The following ITPR1 variants were observed in gnomAD, a reference collection of about 807,000 sequenced individuals.
The protein encoded by ITPR1 is inositol 1,4,5-trisphosphate-gated calcium channel ITPR1.
In ITPR1, 96 loss-of-function variants were observed where a neutral mutation model predicts 318.4. That is an observed-to-expected ratio of 0.30 (90% CI 0.26 to 0.36). The LOEUF (loss-of-function observed/expected upper bound fraction) is 0.36. ITPR1 is among the 10% of genes least tolerant of loss of function. The probability of loss-of-function intolerance (pLI) is 1.00; values close to 1 mark genes in which losing one functional copy is unlikely to be tolerated. For synonymous variants in ITPR1, 1,312 were observed against 1,289.9 expected, an observed-to-expected ratio of 1.02 and a Z score of -0.37; for missense variants, 2,440 against 3,460.2, an observed-to-expected ratio of 0.71 and a Z score of 7.40.
chr3:4,619,777 C>CTTG (rs2092550650), intron 4 of ITPR1, among the ~76,000 whole-genome samples: 1 of 117,662 alleles, frequency 8.5e-6, no homozygotes, highest in Admixed American at 8.8e-5. Context: ...TCTGCCCTCC[C>CTTG]CTGCTCTCCT....
intron 61 of ITPR1, among the ~76,000 whole-genome samples, chr3:4,842,176 A>G (rs996585017): frequency 6.6e-6 from 1 of 152,272 alleles, no homozygotes; most frequent in Non-Finnish European, 1.5e-5. Flanking sequence ...TGTTTTCATG[A>G]ACAGTCTTTC....
chr3:4,681,022 G>T (rs893284677), intron 25 of ITPR1, among the ~76,000 whole-genome samples: 8 of 152,106 alleles, frequency 5.3e-5, no homozygotes, highest in Non-Finnish European at 1.0e-4. Context: ...TTGACCACTA[G>T]CAGCTTTTAC....
chr3:4,687,237 A>G (rs1168391620), intron 30 of ITPR1, among the ~76,000 whole-genome samples: 5 of 152,222 alleles, frequency 3.3e-5, no homozygotes, highest in Admixed American at 1.3e-4. Flanking sequence ...AGCCCAAAGT[A>G]TGTGCTGCCT....
Position 4,846,286 on chromosome 3 carries a change from AATGAGTTCTG to A in ITPR1, c.*64_*73del. On this transcript the variant is annotated 3_prime_UTR_variant, in exon 62 of 62. Transcript: ENST00000649015. ...AATTATTATTAGTGTGGGTATGGCT[AATGAGTTCTG>A]ATTCACCCACGAAGGTTACATTTAT... 8.7e-7 allele frequency: 1 copy of A among 1,146,674 alleles called. No homozygotes were observed. The highest frequency in any genetic ancestry group is 1.3e-6 in the Non-Finnish European group (1 of 784,374). 71.0% of individuals were successfully genotyped at this position (1,146,674 alleles called of 1,614,324 possible).
chr3:4,662,879 C>G (rs915909122), intron 15 of ITPR1, among the ~76,000 whole-genome samples, 186 bp from the exon 16 acceptor site: 1 of 152,100 alleles, frequency 6.6e-6, no homozygotes, highest in Non-Finnish European at 1.5e-5. Flanking sequence ...CTTTTGTGGA[C>G]AATGATATGT....
intron 4 of ITPR1, among the ~76,000 whole-genome samples, chr3:4,615,717 T>C (rs1349362900): frequency 1.3e-5 from 2 of 152,158 alleles, no homozygotes; most frequent in African/African-American, 4.8e-5. Flanking sequence ...TTTAAGCTGA[T>C]CCACATACAG....
chr3:4,822,492 C>T (rs2049792424), intron 60 of ITPR1, among the ~76,000 whole-genome samples: 2 of 152,132 alleles, frequency 1.3e-5, no homozygotes, highest in Non-Finnish European at 2.9e-5. Flanking sequence ...TTGACGTTAG[C>T]GTTCTTTTCT....
intron 4 of ITPR1, among the ~76,000 whole-genome samples, chr3:4,536,460 G>A (rs557747061): frequency 9.9e-5 from 15 of 152,284 alleles, no homozygotes; most frequent in South Asian, 6.2e-4. Context: ...TAGAAACACA[G>A]CCTCAAAGGT....
chr3:4,808,870 C>G (rs998587199), intron 55 of ITPR1, among the ~76,000 whole-genome samples: 3 of 152,120 alleles, frequency 2.0e-5, no homozygotes, highest in Non-Finnish European at 2.9e-5. Context: ...CCCCCTCCCC[C>G]ACAAAGACTG....
At position 4,665,194 on chromosome 3, in the gene ITPR1, G is replaced by C. The variant is rs1227257678; in HGVS notation, c.1611G>C (p.Arg537=). ...FTDCGDGPML[R]LEELGDQRHA... is the part of the protein sequence containing the mutation. ...ACTGCGGTGATGGCCCAATGCTTCG[G>C]CTGGAAGAGCTCGGGGACCAGCGGC... Residue 537 remains arginine (R), a synonymous_variant, in exon 17 of 62, where the codon CGG becomes CGC. Transcript: ENST00000649015. 9 of 1,614,020 alleles carry C rather than the reference G, an allele frequency of 5.6e-6. No individual in the cohort carries two copies. Among genetic ancestry groups the C allele is most frequent in the Non-Finnish European group, 7.6e-6 (9 of 1,179,866 alleles).
chr3:4,622,842 A>G (rs1402865996), intron 4 of ITPR1, among the ~76,000 whole-genome samples: 1 of 152,230 alleles, frequency 6.6e-6, no homozygotes, highest in South Asian at 2.1e-4. Flanking sequence ...TTAAATCATT[A>G]ATTCAACACC....
Position 4,798,197 on chromosome 3 carries a change from A to G in ITPR1, c.6932-2228A>G, listed in dbSNP as rs1032920138. ...ACAGACTGGGAGAAAATAGTTGCAA[A>G]ATATATATCTGATAAAAAGCTTATG... On this transcript the variant is annotated intron_variant, in intron 53 of 61. Coordinates refer to ENST00000649015, the MANE Select transcript of ITPR1 (RefSeq NM_001378452.1). Among the ~76,000 whole-genome samples, 3 of 152,212 alleles carry G rather than the reference A, an allele frequency of 2.0e-5. No homozygotes were observed. The South Asian group carries it at 6.2e-4, about 32-fold the overall frequency.
At chr3:4,697,054 A>G in intron 33 of ITPR1, 93 bp from the exon 34 acceptor site, 6 of 1,166,104 alleles carry the variant, frequency 5.1e-6, no homozygotes, top group Non-Finnish European at 7.4e-6. Flanking sequence ...TGGGATGACC[A>G]TTTTCATCGG....
intron 30 of ITPR1, among the ~76,000 whole-genome samples, chr3:4,685,793 G>C (rs1404294098): frequency 6.6e-6 from 1 of 152,184 alleles, no homozygotes; most frequent in Non-Finnish European, 1.5e-5. Flanking sequence ...ACAGTGCTTT[G>C]CATGCATGTA....
rs1247099832 is a variant in ITPR1 at position 4,667,576 on chromosome 3, G to T, written c.1886+27G>T. 9.4e-6 allele frequency: 15 copies of T among 1,595,676 alleles called. No individual in the cohort carries two copies. In the East Asian group the frequency reaches 3.4e-4, roughly 36 times the overall value. On this transcript the variant is annotated intron_variant, in intron 18 of 61. Coordinates refer to ENST00000649015, the MANE Select transcript of ITPR1 (RefSeq NM_001378452.1). ...TGAGGCGGGAGTGGGGTCCATGCAG[G>T]ATGGTGTCTCTGCCTGTAAGATGCA...
At chr3:4,647,647 A>G (rs2093490498) in intron 10 of ITPR1, among the ~76,000 whole-genome samples, 1 of 152,238 alleles carries the variant, frequency 6.6e-6, no homozygotes, top group Non-Finnish European at 1.5e-5. Flanking sequence ...TAGTAGGTAC[A>G]TAGTGAAATT....
Position 4,777,293 on chromosome 3 carries a change from C to A in ITPR1, c.6210C>A (p.Gly2070=). 1 of 1,605,720 alleles carries A rather than the reference C, an allele frequency of 6.2e-7. No individual in the cohort carries two copies. Among genetic ancestry groups the A allele is most frequent in the Non-Finnish European group, 8.5e-7 (1 of 1,175,636 alleles). Residue 2070 remains glycine (G), a synonymous_variant, in exon 48 of 62, where the codon GGC becomes GGA. Transcript: ENST00000649015. ...QNCIATHESN[G]IDIITALILN... is the part of the protein sequence containing the mutation. Reference sequence around the variant, plus strand: ...GCATAGCCACCCATGAATCCAATGGCATTGACATCATCACAGCCCTGATCC... The same window carrying A: ...GCATAGCCACCCATGAATCCAATGGAATTGACATCATCACAGCCCTGATCC...
At chr3:4,588,218 A>G (rs1029587089) in intron 4 of ITPR1, among the ~76,000 whole-genome samples, 10 of 152,144 alleles carry the variant, frequency 6.6e-5, no homozygotes, top group African/African-American at 2.4e-4. Flanking sequence ...GTCTTCTCAT[A>G]TTCTTGCTGC....
At chr3:4,818,012 T>G in intron 59 of ITPR1, 70 bp from the exon 60 acceptor site, 2 of 1,337,058 alleles carry the variant, frequency 1.5e-6, no homozygotes, top group South Asian at 3.0e-5. Context: ...TACTGACAGT[T>G]CTGTTATTGA....
Sources: allele counts gnomAD v4.1 joint callset (sites outside exome capture counted in the v4.1 genomes callset), GRCh38; gene constraint gnomAD v4.1.1; transcripts MANE v1.5; gene names NCBI Gene and HGNC (gene_info 2026-07-23, HGNC 2026-07-21).